The following LAS1L variants were observed in gnomAD, a reference collection of about 807,000 sequenced individuals.
LAS1L encodes ribosomal biogenesis protein LAS1L.
In LAS1L, 5 loss-of-function variants were observed where a neutral mutation model predicts 57.3. The observed-to-expected ratio is 0.09, with a 90% CI of 0.05 to 0.18. LAS1L has a LOEUF of 0.18. Among genes scored for constraint, LAS1L ranks in the 10% least tolerant of loss-of-function variants. LAS1L has a pLI of 1.00. For synonymous variants in LAS1L, 245 were observed against 231.7 expected (o/e 1.06, Z -0.52); for missense variants, 360 against 568.3 (o/e 0.63, Z 3.73).
chrX:65,527,674 A>G (rs2069236278), intron 7 of LAS1L, among the ~76,000 whole-genome samples: 1 of 109,932 alleles, frequency 9.1e-6, no homozygotes, highest in Non-Finnish European at 1.9e-5. Flanking sequence ...CTCCACTGAA[A>G]ATACAAAAAC....
chrX:65,523,172 G>T (rs1265491054), intron 11 of LAS1L: 2 of 126,721 alleles, frequency 1.6e-5, no homozygotes, highest in African/African-American at 6.3e-5. Flanking sequence ...ACTGAAGGTT[G>T]CTAAGCAACT....
At chrX:65,530,523 A>C (rs988514699) in intron 4 of LAS1L, among the ~76,000 whole-genome samples, 2 of 110,673 alleles carry the variant, frequency 1.8e-5, no homozygotes, top group Admixed American at 9.6e-5. Context: ...TACTAAAAAA[A>C]TACAGCCAGG....
chrX:65,513,039 G>C, intron 13 of LAS1L, 138 bp from the exon 14 acceptor site: 1 of 635,124 alleles, frequency 1.6e-6, no homozygotes, highest in Non-Finnish European at 2.3e-6. Flanking sequence ...GAGCAAATCC[G>C]AGAAACGACT....
In LAS1L at chrX:65,528,253, T is replaced by TACACACCTGTTCTCGCATGTA; in HGVS notation, c.942_956+6dup. On this transcript the variant is annotated splice_region_variant and intron_variant, in intron 7 of 13. Coordinates refer to ENST00000374811, the MANE Select transcript of LAS1L (RefSeq NM_031206.7). ...AATACGCAGCTCCCGGTTACCTAGT[T>TACACACCTGTTCTCGCATGTA]ACACACCTGTTCTCGCATGTAACGC... 1.8e-6 allele frequency: 2 copies of TACACACCTGTTCTCGCATGTA among 1,136,899 alleles called. 1 individual carries two copies. Among genetic ancestry groups the TACACACCTGTTCTCGCATGTA allele is most frequent in the Non-Finnish European group, 2.4e-6 (2 of 831,150 alleles). The allele number at this position is 1,136,899 out of a possible 1,213,427, so 93.7% of individuals were successfully genotyped here.
Position 65,529,668 on chromosome X carries a change from G to A in LAS1L, c.725C>T (p.Ala242Val), listed in dbSNP as rs2069366085. Residue 242 changes from alanine (A) to valine (V), a missense_variant, in exon 5 of 14, where the codon GCC becomes GTC. Physicochemically the swap from Ala to Val is moderately conservative, Grantham distance 64. This residue lies in a region of LAS1L where 51 missense variants were observed against 43.1 expected (regional missense o/e 1.18). Transcript: ENST00000374811. The stretch of plus-strand genomic sequence containing the variant: ...TTCGCTGCCTTTGCTGTCTCCATCG[G>A]CCTTTACATCTGACTCCGTACTTTT... ...DGKSTESDVK[A>V]DGDSKGSEEV... 2 of 1,209,604 alleles carry A rather than the reference G, an allele frequency of 1.7e-6. No individual in the cohort carries two copies. Among genetic ancestry groups the A allele is most frequent in the Admixed American group, 4.4e-5 (2 of 45,683 alleles).
rs1426063633 is a variant in LAS1L, at chrX:65,524,546, G to A, written c.1093+18C>T. The A allele has an allele frequency of 3.3e-5, 17 of 522,925 alleles. No individual in the cohort carries two copies. The highest frequency in any genetic ancestry group is 3.1e-4 in the Middle Eastern group (1 of 3,206). The allele number at this position is 522,925 out of a possible 1,213,427, so 43.1% of individuals were successfully genotyped here. A position where few individuals can be genotyped will look rare whatever the true frequency, so the allele number is the denominator to read the frequency against. Reference sequence around the variant, plus strand: ...AAACAGAGATCTGGTTCTAGCTTCAGCTTTGTCAATAACTCACTGTGTGAC... The same window carrying A: ...AAACAGAGATCTGGTTCTAGCTTCAACTTTGTCAATAACTCACTGTGTGAC... On this transcript the variant is annotated intron_variant, in intron 9 of 13. Transcript: ENST00000374811.
intron 12 of LAS1L, among the ~76,000 whole-genome samples, chrX:65,515,586 C>T (rs895426459): frequency 1.8e-5 from 2 of 110,930 alleles, no homozygotes; most frequent in East Asian, 5.7e-4. Context: ...GTTCCCCTGC[C>T]CCCTGCAGTT....
chrX:65,526,033 C>T (rs915060751), intron 7 of LAS1L, among the ~76,000 whole-genome samples: 3 of 111,038 alleles, frequency 2.7e-5, no homozygotes, highest in African/African-American at 6.6e-5. Context: ...TATTAGTTTC[C>T]GCAAGAGCTG....
intron 12 of LAS1L, among the ~76,000 whole-genome samples, chrX:65,516,274 C>T (rs1010902284): frequency 1.3e-4 from 14 of 111,478 alleles, no homozygotes; most frequent in African/African-American, 4.6e-4. Flanking sequence ...CTCCATGATA[C>T]AGAGACACCT....
rs1310292485 is a variant in LAS1L, at chrX:65,524,141, T to C, written c.1215A>G (p.Glu405=). The change falls in exon 10 of 14, where the codon GAA becomes GAG. Residue 405 remains glutamate, a synonymous_variant. Coordinates refer to ENST00000374811, the MANE Select transcript of LAS1L (RefSeq NM_031206.7). ...TQALLERMLS[E]LPALGISGIR... ...TCCCGCTGATCCCCAAGGCTGGCAG[T>C]TCAGAGAGCATCCTCTCCAATAGGG... 8.3e-7 allele frequency: 1 copy of C among 1,209,114 alleles called. No individual in the cohort carries two copies. The highest frequency in any genetic ancestry group is 1.1e-6 in the Non-Finnish European group (1 of 894,665).
chrX:65,520,292 G>T, intron 11 of LAS1L: 1 of 233,443 alleles, frequency 4.3e-6, no homozygotes, highest in Non-Finnish European at 6.1e-6. Flanking sequence ...TATTAGATAA[G>T]TCCCATCACT....
chrX:65,525,655 C>A (rs756347058), intron 7 of LAS1L, among the ~76,000 whole-genome samples: 1 of 106,072 alleles, frequency 9.4e-6, no homozygotes, highest in South Asian at 4.1e-4. Flanking sequence ...ATCTATTAAC[C>A]CATTTATGCC....
intron 12 of LAS1L, among the ~76,000 whole-genome samples, chrX:65,515,661 C>G (rs1056314213): frequency 1.8e-5 from 2 of 110,302 alleles, no homozygotes; most frequent in African/African-American, 6.6e-5. Context: ...ACACATCCCA[C>G]CCCTCACAGC....
intron 6 of LAS1L, among the ~76,000 whole-genome samples, chrX:65,528,636 T>A (rs1038237813): frequency 1.8e-5 from 2 of 112,800 alleles, no homozygotes; most frequent in Admixed American, 9.3e-5. Flanking sequence ...ATGGGGGAAT[T>A]TGGCTGGAGA....
At chrX:65,534,386 G>A (rs1012729641) in intron 1 of LAS1L, 94 bp downstream of exon 1, 9 of 670,136 alleles carry the variant, frequency 1.3e-5, no homozygotes, top group Non-Finnish European at 1.8e-5. Flanking sequence ...CGACTTAGGG[G>A]AAGACTGGAG....
chrX:65,513,804 C>A (rs2148258658), intron 13 of LAS1L, among the ~76,000 whole-genome samples: 1 of 112,514 alleles, frequency 8.9e-6, no homozygotes, highest in African/African-American at 3.2e-5. Flanking sequence ...CCATGGTACT[C>A]AATAAGCCAT....
intron 4 of LAS1L, among the ~76,000 whole-genome samples, chrX:65,530,563 CT>C (rs1569442892): frequency 9.1e-6 from 1 of 109,663 alleles, no homozygotes; most frequent in South Asian, 3.9e-4. Context: ...AATCCTAGCA[CT>C]TTGGGAGGCT....
At chrX:65,528,599 T>C (rs1245221122) in intron 6 of LAS1L, among the ~76,000 whole-genome samples, 1 of 112,440 alleles carries the variant, frequency 8.9e-6, no homozygotes, top group African/African-American at 3.2e-5. Context: ...CAACTGAATT[T>C]CCTGTGGGTA....
chrX:65,514,886 G>T lies in LAS1L; in HGVS notation c.2015C>A (p.Thr672Asn), dbSNP rs761691423. The T allele has an allele frequency of 8.3e-7, 1 of 1,210,023 alleles. No individual in the cohort carries two copies. Among genetic ancestry groups the T allele is most frequent in the Non-Finnish European group, 1.1e-6 (1 of 894,321 alleles). ...CACAGGCTGGTCCAAAAGATACATG[G>T]TGTCATAATTCTCCAGCATGAGCTC... ...PAELMLENYD[T>N]MYLLDQPVLE... The change falls in exon 13 of 14, where the codon ACC becomes AAC. Residue 672 changes from threonine to asparagine, a missense_variant. Physicochemically the swap from Thr to Asn is moderately conservative, Grantham distance 65. Around this residue, in one of 7 missense-constraint regions of LAS1L, gnomAD observed 123 missense variants for 168.3 expected, o/e 0.73. Coordinates refer to ENST00000374811, the MANE Select transcript of LAS1L (RefSeq NM_031206.7).
Sources: allele counts gnomAD v4.1 joint callset (sites outside exome capture counted in the v4.1 genomes callset), GRCh38; gene constraint gnomAD v4.1.1; regional missense constraint gnomAD v4.1.1; transcripts MANE v1.5; gene names NCBI Gene and HGNC (gene_info 2026-07-23, HGNC 2026-07-21).